The following ANGPTL1 variants were observed in gnomAD, a reference collection of about 807,000 sequenced individuals.
ANGPTL1 encodes the protein angiopoietin like 1, also known as angiopoietin-related protein 1.
A neutral mutation model predicts 46.7 loss-of-function variants in ANGPTL1; 36 were observed. The ratio of observed to expected loss-of-function variants is 0.77; its 90% CI spans 0.59 to 1.02. The LOEUF is 1.02. Among genes scored for constraint, ANGPTL1 ranks in the 50% least tolerant of loss-of-function variants. The pLI is 0.00. For missense variants in ANGPTL1, 571 were observed against 594.7 expected (o/e 0.96, Z 0.41); for synonymous variants, 221 against 204.3 (o/e 1.08, Z -0.69).
chr1:178,870,474 A>G (rs1005186321), intron 1 of ANGPTL1, among the ~76,000 whole-genome samples: 2 of 152,218 alleles, frequency 1.3e-5, no homozygotes, highest in African/African-American at 4.8e-5. Flanking sequence ...ACTTGTTTTC[A>G]GAAACCCAGC....
At chr1:178,868,251 A>G (rs1313178076) in intron 2 of ANGPTL1, among the ~76,000 whole-genome samples, 2 of 151,948 alleles carry the variant, frequency 1.3e-5, no homozygotes, top group African/African-American at 2.4e-5. Flanking sequence ...CATTTATTAT[A>G]TCTCCAGATT....
chr1:178,854,284 T>C (rs1245988293), intron 3 of ANGPTL1, among the ~76,000 whole-genome samples: 2 of 152,200 alleles, frequency 1.3e-5, no homozygotes, highest in Admixed American at 1.3e-4. Flanking sequence ...TTCATAGTCC[T>C]ACATAATACC....
Position 178,850,949 on chromosome 1 carries a change from A to C in ANGPTL1, c.*180T>G. On this transcript the variant is annotated 3_prime_UTR_variant, in exon 6 of 6. Coordinates refer to ENST00000234816, the MANE Select transcript of ANGPTL1 (RefSeq NM_004673.4). ...GTTGTGGATACACATAATTTTCTGCAGTAATTGACGACAGATGAAACTACA... is the reference window on the plus strand; with the variant it reads ...GTTGTGGATACACATAATTTTCTGCCGTAATTGACGACAGATGAAACTACA... The C allele has an allele frequency of 4.3e-6, 2 of 469,172 alleles. No individual in the cohort carries two copies. The highest frequency in any genetic ancestry group is 7.1e-6 in the Non-Finnish European group (2 of 280,020). The allele number at this position is 469,172 out of a possible 1,614,324, so 29.1% of individuals were successfully genotyped here.
intron 1 of ANGPTL1, among the ~76,000 whole-genome samples, chr1:178,870,022 CATA>C (rs1259190460): frequency 1.3e-5 from 2 of 152,056 alleles, no homozygotes; most frequent in Non-Finnish European, 2.9e-5. Context: ...ATACCACTTA[CATA>C]ATGCTTTTGT....
chr1:178,865,613 A>G lies in ANGPTL1; in HGVS notation c.164T>C (p.Val55Ala), dbSNP rs760804077. 5.0e-6 allele frequency: 8 copies of G among 1,613,986 alleles called. No individual in the cohort carries two copies. Among genetic ancestry groups the G allele is most frequent in the Non-Finnish European group, 5.9e-6 (7 of 1,179,940 alleles). ...EAKKCAYTFL[V>A]PEQRITGPIC... ...TGGCCCTGTTATTCTTTGTTCAGGTACCAGGAATGTGTATGCACATTTCTT... is the reference window on the plus strand; with the variant it reads ...TGGCCCTGTTATTCTTTGTTCAGGTGCCAGGAATGTGTATGCACATTTCTT... The change falls in exon 3 of 6, where the codon GTA becomes GCA. Residue 55 changes from valine to alanine, a missense_variant. Val to Ala is a moderately conservative substitution (Grantham distance 64). Transcript: ENST00000234816.
Position 178,853,795 on chromosome 1 carries a change from T to G in ANGPTL1, c.824-8A>C, listed in dbSNP as rs1657347491. 1 of 1,543,066 alleles carries G rather than the reference T, an allele frequency of 6.5e-7. No individual in the cohort carries two copies. Among genetic ancestry groups the G allele is most frequent in the Middle Eastern group, 1.7e-4 (1 of 5,750 alleles). ...GACAGTCTTTGAATGGTCCTATAATTTAAATATCATTTATTATCAGCAAAC... is the reference window on the plus strand; with the variant it reads ...GACAGTCTTTGAATGGTCCTATAATGTAAATATCATTTATTATCAGCAAAC... On this transcript the variant is annotated splice_polypyrimidine_tract_variant and splice_region_variant and intron_variant, in intron 3 of 5. Transcript: ENST00000234816.
At chr1:178,855,380 A>T (rs561184985) in intron 3 of ANGPTL1, among the ~76,000 whole-genome samples, 1 of 148,964 alleles carries the variant, frequency 6.7e-6, no homozygotes, top group East Asian at 2.0e-4. Flanking sequence ...TAAATTTCTC[A>T]TTTTAAATAC....
chr1:178,866,597 T>C (rs1658427412), intron 2 of ANGPTL1, among the ~76,000 whole-genome samples: 1 of 152,160 alleles, frequency 6.6e-6, no homozygotes, highest in South Asian at 2.1e-4. Context: ...AGTAATTTTC[T>C]ACAACCATTA....
intron 5 of ANGPTL1, 100 bp downstream of exon 5, chr1:178,852,583 G>A: frequency 2.3e-6 from 3 of 1,320,896 alleles, no homozygotes; most frequent in Non-Finnish European, 2.1e-6. Flanking sequence ...GACCAAAACT[G>A]ACCTTTTTGA....
In ANGPTL1 at chr1:178,849,995, A is replaced by G. The variant is rs983616129; in HGVS notation, c.*1134T>C. 1 of 152,690 alleles carries G rather than the reference A, an allele frequency of 6.5e-6. No homozygotes were observed. Among genetic ancestry groups the G allele is most frequent in the African/African-American group, 2.4e-5 (1 of 41,478 alleles). 9.5% of individuals were successfully genotyped at this position (152,690 alleles called of 1,614,324 possible). A position where few individuals can be genotyped will look rare whatever the true frequency, so the allele number is the denominator to read the frequency against. ...TGAAAGGAAATTGTTCCAGAAAGTC[A>G]CTAGTAAAGTTGTTGATTGCAAAGA... On this transcript the variant is annotated 3_prime_UTR_variant, in exon 6 of 6. Coordinates refer to ENST00000234816, the MANE Select transcript of ANGPTL1 (RefSeq NM_004673.4).
intron 2 of ANGPTL1, 134 bp downstream of exon 2, chr1:178,868,980 T>G (rs1658583590): frequency 6.6e-6 from 1 of 152,050 alleles, no homozygotes; most frequent in Non-Finnish European, 1.5e-5. Flanking sequence ...TTCTCTTATT[T>G]AATATTTTCT....
chr1:178,868,955 T>C (rs1233200101), intron 2 of ANGPTL1, among the ~76,000 whole-genome samples, 159 bp downstream of exon 2: 3 of 152,060 alleles, frequency 2.0e-5, no homozygotes, highest in Non-Finnish European at 2.9e-5. Flanking sequence ...TTTACTGTTA[T>C]GTTTTCTGAA....
At chr1:178,856,229 A>ATG (rs1311724119) in intron 3 of ANGPTL1, among the ~76,000 whole-genome samples, 1 of 130,804 alleles carries the variant, frequency 7.6e-6, no homozygotes, top group East Asian at 2.0e-4. Flanking sequence ...ATATATATAT[A>ATG]TATATGGTTT....
rs1658368332 is a variant in ANGPTL1, at chr1:178,865,815, A to G, written c.-26-13T>C. On this transcript the variant is annotated splice_polypyrimidine_tract_variant and intron_variant, in intron 2 of 5. Transcript: ENST00000234816. ...TGTAAAATGATGTCTTTTGAAAAAC[A>G]AATCAGTGAAGGAGAAAAAGCAAAA... The G allele has an allele frequency of 1.4e-6, 2 of 1,468,194 alleles. No homozygotes were observed. The highest frequency in any genetic ancestry group is 4.5e-5 in the East Asian group (2 of 44,010). 90.9% of individuals were successfully genotyped at this position (1,468,194 alleles called of 1,614,324 possible).
chr1:178,870,417 C>T (rs1043124627), intron 1 of ANGPTL1, among the ~76,000 whole-genome samples: 4 of 152,154 alleles, frequency 2.6e-5, no homozygotes, highest in African/African-American at 9.7e-5. Flanking sequence ...AAGCCTTATA[C>T]ATTTAATCTG....
intron 3 of ANGPTL1, among the ~76,000 whole-genome samples, chr1:178,857,954 T>C (rs532803286): frequency 1.3e-5 from 2 of 152,294 alleles, no homozygotes; most frequent in African/African-American, 4.8e-5. Flanking sequence ...TGAATCCAGC[T>C]TTGATTTCAT....
At chr1:178,864,217 AAGAG>A (rs1658224927) in intron 3 of ANGPTL1, among the ~76,000 whole-genome samples, 2 of 152,204 alleles carry the variant, frequency 1.3e-5, no homozygotes, top group Non-Finnish European at 2.9e-5. Flanking sequence ...TGAATGCATG[AAGAG>A]AGAAAGAAAT....
rs1657099048 is a variant in ANGPTL1, at chr1:178,850,483, A to G, written c.*646T>C. On this transcript the variant is annotated 3_prime_UTR_variant, in exon 6 of 6. Coordinates refer to ENST00000234816, the MANE Select transcript of ANGPTL1 (RefSeq NM_004673.4). ...TTGTCTTTATAAATTGACCATTTAA[A>G]TTATGCATGCATTATTTTTGGGTTT... 1 of 151,974 alleles carries G rather than the reference A, an allele frequency of 6.6e-6. No homozygotes were observed. Among genetic ancestry groups the G allele is most frequent in the Non-Finnish European group, 1.5e-5 (1 of 67,986 alleles). 9.4% of individuals were successfully genotyped at this position (151,974 alleles called of 1,614,324 possible).
intron 5 of ANGPTL1, 114 bp from the exon 6 acceptor site, chr1:178,851,430 A>C: frequency 1.1e-6 from 1 of 919,624 alleles, no homozygotes; most frequent in Non-Finnish European, 1.5e-6. Context: ...AATCCCAGTT[A>C]CCTTTATCTC....
Sources: allele counts gnomAD v4.1 joint callset (sites outside exome capture counted in the v4.1 genomes callset), GRCh38; gene constraint gnomAD v4.1.1; transcripts MANE v1.5; gene names NCBI Gene and HGNC (gene_info 2026-07-23, HGNC 2026-07-21).